The following ZCWPW2 variants were observed in gnomAD, a reference collection of about 807,000 sequenced individuals.
ZCWPW2 encodes zinc finger CW-type PWWP domain protein 2.
ZCWPW2 carries 45 observed loss-of-function variants against 46.6 expected under a neutral mutation model. The ratio of observed to expected loss-of-function variants is 0.96; its 90% CI spans 0.76 to 1.24. ZCWPW2 has a LOEUF of 1.24. Among genes scored for constraint, ZCWPW2 ranks in the 50% most tolerant of loss-of-function variants. The pLI is 0.00. For missense variants in ZCWPW2, 429 were observed against 403.9 expected, an observed-to-expected ratio of 1.06 and a Z score of -0.53; for synonymous variants, 152 against 137.1, an observed-to-expected ratio of 1.11 and a Z score of -0.76.
chr3:28,434,773 A>T (rs1428369263), intron 3 of ZCWPW2, among the ~76,000 whole-genome samples: 1 of 152,172 alleles, frequency 6.6e-6, no homozygotes, highest in Non-Finnish European at 1.5e-5. Flanking sequence ...GCTCTACATG[A>T]ATTTGAGGAA....
At chr3:28,382,892 C>T (rs1021117435) in intron 1 of ZCWPW2, among the ~76,000 whole-genome samples, 11 of 152,024 alleles carry the variant, frequency 7.2e-5, no homozygotes, top group African/African-American at 2.7e-4. Flanking sequence ...GCATTTTCAA[C>T]GATGACGGGC....
chr3:28,408,590 C>T (rs1696261456), intron 2 of ZCWPW2, among the ~76,000 whole-genome samples: 1 of 152,140 alleles, frequency 6.6e-6, no homozygotes, highest in South Asian at 2.1e-4. Flanking sequence ...CTGAAAGGCA[C>T]ATTTGTGAAG....
At chr3:28,457,990 A>G (rs1244468685) in intron 4 of ZCWPW2, among the ~76,000 whole-genome samples, 1 of 152,242 alleles carries the variant, frequency 6.6e-6, no homozygotes, top group Non-Finnish European at 1.5e-5. Context: ...GCAATATAAA[A>G]GTGACCTGAT....
At chr3:28,443,783 G>C (rs1038432109) in intron 4 of ZCWPW2, among the ~76,000 whole-genome samples, 1 of 152,132 alleles carries the variant, frequency 6.6e-6, no homozygotes, top group Admixed American at 6.5e-5. Flanking sequence ...CAATTACAGG[G>C]CTCCTCAAAA....
chr3:28,372,965 T>C (rs538329307), intron 1 of ZCWPW2, among the ~76,000 whole-genome samples: 1 of 152,334 alleles, frequency 6.6e-6, no homozygotes, highest in South Asian at 2.1e-4. Context: ...TCATTTTTTC[T>C]GGCTGCATAA....
chr3:28,435,407 G>C, intron 4 of ZCWPW2, 138 bp downstream of exon 4: 1 of 707,100 alleles, frequency 1.4e-6, no homozygotes, highest in East Asian at 3.5e-5. Context: ...TCAAATATTT[G>C]TATTTTTAGT....
intron 6 of ZCWPW2, chr3:28,510,918 A>G (rs2125831305): frequency 2.8e-6 from 1 of 355,756 alleles, no homozygotes. Flanking sequence ...AGGGAATGAA[A>G]CAATTAGAAC....
chr3:28,353,644 A>G (rs1704632231), intron 1 of ZCWPW2, among the ~76,000 whole-genome samples: 1 of 152,264 alleles, frequency 6.6e-6, no homozygotes, highest in Admixed American at 6.5e-5. Flanking sequence ...AAATGTTTGC[A>G]TTCAATAGGA....
intron 6 of ZCWPW2, among the ~76,000 whole-genome samples, chr3:28,494,677 C>T (rs1413482765): frequency 5.0e-5 from 7 of 139,042 alleles, no homozygotes; most frequent in Non-Finnish European, 1.1e-4. Flanking sequence ...ATCTAGAAAA[C>T]CCCATCGTCT....
intron 4 of ZCWPW2, among the ~76,000 whole-genome samples, chr3:28,446,723 CAG>C (rs1326539898): frequency 6.6e-6 from 1 of 151,790 alleles, no homozygotes; most frequent in African/African-American, 2.4e-5. Context: ...TCAATGAAAA[CAG>C]AAGTTGGTTC....
intron 1 of ZCWPW2, among the ~76,000 whole-genome samples, chr3:28,360,757 CAG>C (rs1704910533): frequency 6.6e-6 from 1 of 151,112 alleles, no homozygotes; most frequent in Non-Finnish European, 1.5e-5. Context: ...AAAACAAAAA[CAG>C]AAAATAACTA....
chr3:28,390,762 ATAAAAT>A, intron 2 of ZCWPW2, 145 bp downstream of exon 2: 1 of 669,530 alleles, frequency 1.5e-6, no homozygotes, highest in Non-Finnish European at 1.8e-6. Flanking sequence ...AATTTTTCAG[ATAAAAT>A]TAAAATACTA....
intron 4 of ZCWPW2, among the ~76,000 whole-genome samples, chr3:28,469,093 AG>A (rs2125794960): frequency 6.6e-6 from 1 of 152,304 alleles, no homozygotes; most frequent in African/African-American, 2.4e-5. Context: ...TAAAGTTCAG[AG>A]GTGTTTTCTT....
At chr3:28,436,696 G>A (rs1697515785) in intron 4 of ZCWPW2, among the ~76,000 whole-genome samples, 1 of 152,102 alleles carries the variant, frequency 6.6e-6, no homozygotes, top group South Asian at 2.1e-4. Flanking sequence ...AAAACATTAA[G>A]TATGGAATAA....
At chr3:28,349,355 C>G (rs1421645667) in intron 1 of ZCWPW2, among the ~76,000 whole-genome samples, 152 bp downstream of exon 1, 4 of 152,148 alleles carry the variant, frequency 2.6e-5, no homozygotes, top group Non-Finnish European at 5.9e-5. Context: ...TACAGGCTTA[C>G]GAGCTGACGT....
intron 3 of ZCWPW2, among the ~76,000 whole-genome samples, chr3:28,433,102 C>CAG (rs1258015478): frequency 6.6e-6 from 1 of 151,644 alleles, no homozygotes; most frequent in Non-Finnish European, 1.5e-5. Flanking sequence ...TACACACACA[C>CAG]ACACACACAC....
At chr3:28,505,284 C>T (rs1333920894) in intron 6 of ZCWPW2, among the ~76,000 whole-genome samples, 1 of 152,098 alleles carries the variant, frequency 6.6e-6, no homozygotes, top group African/African-American at 2.4e-5. Context: ...CAGGGAACGG[C>T]AAGATATTTA....
chr3:28,427,036 A>G (rs1283616003), intron 3 of ZCWPW2, among the ~76,000 whole-genome samples: 4 of 152,162 alleles, frequency 2.6e-5, no homozygotes, highest in Non-Finnish European at 5.9e-5. Flanking sequence ...GATGGATTTC[A>G]ATGACTGGTA....
chr3:28,349,880 C>T (rs1395032695), intron 1 of ZCWPW2, among the ~76,000 whole-genome samples: 1 of 152,152 alleles, frequency 6.6e-6, no homozygotes, highest in African/African-American at 2.4e-5. Context: ...ATGGATTTCA[C>T]TCAAGGGTTT....
Sources: gnomAD v4.1 joint callset for allele counts (sites outside exome capture counted in the v4.1 genomes callset) on GRCh38, gnomAD v4.1.1 for gene constraint, MANE v1.5 for transcripts, NCBI Gene and HGNC (gene_info 2026-07-23, HGNC 2026-07-21) for gene names.